The following SYT12 variants were observed in gnomAD, a reference collection of about 807,000 sequenced individuals.
SYT12 encodes synaptotagmin-12.
In SYT12, 27 loss-of-function variants were observed where a neutral mutation model predicts 39.5. The observed-to-expected ratio is 0.68, with a 90% CI of 0.50 to 0.94. The LOEUF is 0.94. SYT12 is among the 40% of genes least tolerant of loss of function. The probability of loss-of-function intolerance (pLI) is 0.00; values close to 1 mark genes in which losing one functional copy is unlikely to be tolerated. For missense variants in SYT12, 536 were observed against 572.6 expected (o/e 0.94, Z 0.65); for synonymous variants, 233 against 239.7 (o/e 0.97, Z 0.26).
chr11:67,017,079 G>A (rs1184391347), intron 3 of SYT12, among the ~76,000 whole-genome samples: 1 of 152,072 alleles, frequency 6.6e-6, no homozygotes, highest in African/African-American at 2.4e-5. Context: ...TCCTTTAATC[G>A]TCCTCCAACC....
intron 3 of SYT12, among the ~76,000 whole-genome samples, chr11:67,035,458 CTTTTTTT>C (rs1213047598): frequency 1.1e-5 from 1 of 90,238 alleles, no homozygotes; most frequent in East Asian, 3.2e-4. Flanking sequence ...TTTTTCTTTT[CTTTTTTT>C]TTTTTTTTTT....
chr11:67,045,747 C>A lies in SYT12; in HGVS notation c.962C>A (p.Pro321His), dbSNP rs1255610436. The change falls in exon 7 of 8, where the codon CCC (proline) becomes CAC (histidine). Residue 321 changes from proline (P) to histidine (H), a missense_variant. Pro to His is a moderately conservative substitution (Grantham distance 77). Transcript: ENST00000527043. ...TCACCTGTCCGCCTGCCCACAGACCCCTTCGTCAAGGTGTACCTGCTGCAG... is the reference window on the plus strand; with the variant it reads ...TCACCTGTCCGCCTGCCCACAGACCACTTCGTCAAGGTGTACCTGCTGCAG... ...IWTNDKTTAD[P>H]FVKVYLLQDG... 2 of 1,613,612 alleles carry A rather than the reference C, an allele frequency of 1.2e-6. No homozygotes were observed. The highest frequency in any genetic ancestry group is 1.1e-5 in the South Asian group (1 of 90,956).
intron 3 of SYT12, among the ~76,000 whole-genome samples, chr11:67,017,743 T>G (rs1049836270): frequency 6.6e-6 from 1 of 150,444 alleles, no homozygotes; most frequent in Non-Finnish European, 1.5e-5. Context: ...GTGGATCACC[T>G]GAGGTCAGGA....
chr11:67,010,652 G>C (rs1438259842), intron 2 of SYT12, among the ~76,000 whole-genome samples: 2 of 152,324 alleles, frequency 1.3e-5, no homozygotes, highest in East Asian at 3.9e-4. Context: ...GCTTATGCCA[G>C]TGAGGCCCTG....
chr11:67,034,565 T>C (rs1437672214), intron 2 of SYT12, 80 bp from the exon 3 acceptor site: 1 of 1,296,796 alleles, frequency 7.7e-7, no homozygotes, highest in Non-Finnish European at 1.1e-6. Context: ...ATCCATTCAA[T>C]GTAGAAGTCG....
intron 2 of SYT12, 96 bp downstream of exon 2, chr11:67,030,274 C>T: frequency 3.5e-6 from 5 of 1,413,932 alleles, no homozygotes; most frequent in Non-Finnish European, 3.9e-6. Context: ...ATAATTAGTC[C>T]TTGCCATTAA....
intron 3 of SYT12, among the ~76,000 whole-genome samples, chr11:67,039,597 A>C (rs1256280709): frequency 6.6e-6 from 1 of 152,204 alleles, no homozygotes; most frequent in African/African-American, 2.4e-5. Context: ...CTGGGCAACA[A>C]GAGCAAAACT....
At chr11:67,042,997 A>C (rs1950542931) in intron 4 of SYT12, among the ~76,000 whole-genome samples, 1 of 152,166 alleles carries the variant, frequency 6.6e-6, no homozygotes, top group Non-Finnish European at 1.5e-5. Flanking sequence ...TCCAGGGATG[A>C]GAGCGCCTTT....
chr11:67,048,825 C>A lies in SYT12; in HGVS notation c.*68C>A, dbSNP rs368815859. 5.2e-6 allele frequency: 8 copies of A among 1,526,674 alleles called. No individual in the cohort carries two copies. In the African/African-American group the frequency reaches 1.1e-4, roughly 21 times the overall value. 94.6% of individuals were successfully genotyped at this position (1,526,674 alleles called of 1,614,324 possible). Reference sequence around the variant, plus strand: ...GGTACCCACTCAGCTCTGTCTGATGCCCTCTCCATAGCCCAGCTGGAGCCG... The same window carrying A: ...GGTACCCACTCAGCTCTGTCTGATGACCTCTCCATAGCCCAGCTGGAGCCG... On this transcript the variant is annotated 3_prime_UTR_variant, in exon 8 of 8. Coordinates refer to ENST00000527043, the MANE Select transcript of SYT12 (RefSeq NM_177963.4).
At chr11:67,044,789 C>T (rs747011088) in intron 6 of SYT12, 76 bp downstream of exon 6, 38 of 1,585,234 alleles carry the variant, frequency 2.4e-5, no homozygotes, top group Non-Finnish European at 2.7e-5. Flanking sequence ...GCTGTGGGCA[C>T]CCGGAGGCAT....
chr11:67,044,798 A>G (rs1042963171), intron 6 of SYT12, 85 bp downstream of exon 6: 23 of 1,576,096 alleles, frequency 1.5e-5, no homozygotes, highest in Non-Finnish European at 1.9e-5. Flanking sequence ...ACCCGGAGGC[A>G]TCGGCAGGTG....
intron 3 of SYT12, among the ~76,000 whole-genome samples, chr11:67,035,673 G>T (rs1456927774): frequency 1.3e-5 from 2 of 151,222 alleles, no homozygotes; most frequent in African/African-American, 2.4e-5. Flanking sequence ...TAGCCAGGAT[G>T]GTCTCGATCT....
chr11:67,007,683 G>A (rs989348166), intron 1 of SYT12, among the ~76,000 whole-genome samples: 3 of 152,112 alleles, frequency 2.0e-5, no homozygotes, highest in African/African-American at 4.8e-5. Context: ...TCCTGCCTCA[G>A]CCTCCAGAGT....
chr11:67,023,069 C>T (rs373100555), upstream of SYT12: 1 of 152,436 alleles, frequency 6.6e-6, no homozygotes, highest in Admixed American at 6.5e-5. Flanking sequence ...CCCCTGTCCC[C>T]AGGCGTGGGA....
At chr11:67,018,037 G>A (rs1371675793) in intron 3 of SYT12, among the ~76,000 whole-genome samples, 1 of 151,196 alleles carries the variant, frequency 6.6e-6, no homozygotes, top group East Asian at 2.0e-4. Context: ...CGAGGCAGGT[G>A]GATCACTTAA....
chr11:67,008,927 C>A (rs1949991648), intron 1 of SYT12, among the ~76,000 whole-genome samples: 1 of 152,126 alleles, frequency 6.6e-6, no homozygotes, highest in African/African-American at 2.4e-5. Context: ...ATAGAGAGTC[C>A]TGGGAGGATT....
intron 1 of SYT12, among the ~76,000 whole-genome samples, chr11:67,024,266 T>C (rs1277447786): frequency 6.6e-6 from 1 of 152,214 alleles, no homozygotes; most frequent in Non-Finnish European, 1.5e-5. Flanking sequence ...ATGACAGTTT[T>C]AGAGAGCAGC....
chr11:67,048,712 G>A lies in SYT12; in HGVS notation c.1221G>A (p.Thr407=), dbSNP rs773393972. 1.3e-5 allele frequency: 21 copies of A among 1,610,690 alleles called. No individual in the cohort carries two copies. Among genetic ancestry groups the A allele is most frequent in the Non-Finnish European group, 1.4e-5 (16 of 1,177,538 alleles). ...CACATTGGAACCAGATGTTGGCCAC[G>A]CTGCGCAGGCCCGTGTCCATGTGGC... ...GTTHWNQMLA[T]LRRPVSMWHA... The change falls in exon 8 of 8, where the codon ACG becomes ACA. Residue 407 remains threonine (T), a synonymous_variant. Coordinates refer to ENST00000527043, the MANE Select transcript of SYT12 (RefSeq NM_177963.4).
chr11:67,012,450 AC>A (rs1285666517), intron 3 of SYT12, among the ~76,000 whole-genome samples: 1 of 152,168 alleles, frequency 6.6e-6, no homozygotes, highest in Non-Finnish European at 1.5e-5. Context: ...CCCACCTCAG[AC>A]TGACTGAGCT....
Sources: gnomAD v4.1 joint callset for allele counts (sites outside exome capture counted in the v4.1 genomes callset) on GRCh38, gnomAD v4.1.1 for gene constraint, MANE v1.5 for transcripts, NCBI Gene and HGNC (gene_info 2026-07-23, HGNC 2026-07-21) for gene names.